Variants in CTNND2 observed in about 807,000 individuals in gnomAD.
CTNND2 encodes catenin delta-2.
CTNND2 carries 22 observed loss-of-function variants against 144.4 expected under a neutral mutation model. That is an observed-to-expected ratio of 0.15 (90% CI 0.11 to 0.22). The LOEUF (loss-of-function observed/expected upper bound fraction) is 0.22, where lower values mean the gene tolerates loss of function less well. Ranked by LOEUF, CTNND2 falls within the 10% of genes least tolerant of loss-of-function variation. The pLI is 1.00. For missense variants in CTNND2, 1,353 were observed against 1,618.8 expected (o/e 0.84, Z 2.82); for synonymous variants, 751 against 695.6 (o/e 1.08, Z -1.25).
At position 11,211,894 on chromosome 5, in the gene CTNND2, G is replaced by A. The variant is rs140687714; in HGVS notation, c.1762-12233C>T. Reference sequence around the variant, plus strand: ...CAAAAGAATTTATGATAGAAATGTCGAGAAAATTTTCTTACATATTTATTT... The same window carrying A: ...CAAAAGAATTTATGATAGAAATGTCAAGAAAATTTTCTTACATATTTATTT... On this transcript the variant is annotated intron_variant, in intron 10 of 21. Coordinates refer to ENST00000304623, the MANE Select transcript of CTNND2 (RefSeq NM_001332.4). 5.5e-3 allele frequency among the ~76,000 whole-genome samples: 837 copies of A among 151,938 alleles called. 5 individuals are homozygous for A. Among genetic ancestry groups the A allele is most frequent in the African/African-American group, 0.016 (649 of 41,446 alleles).
chr5:11,576,932 G>T (rs1778017623), intron 2 of CTNND2, among the ~76,000 whole-genome samples: 1 of 152,038 alleles, frequency 6.6e-6, no homozygotes, highest in African/African-American at 2.4e-5. Context: ...ATCAAAATTT[G>T]CCCCCAACAA....
intron 1 of CTNND2, among the ~76,000 whole-genome samples, chr5:11,857,970 T>C (rs983727765): frequency 3.9e-5 from 6 of 152,300 alleles, no homozygotes; most frequent in African/African-American, 1.4e-4. Flanking sequence ...AAACTGTGGG[T>C]TCCTTAGGGG....
chr5:11,498,882 A>G (rs31865), intron 3 of CTNND2, among the ~76,000 whole-genome samples: 58,764 of 151,956 alleles, frequency 0.39, 11,847 homozygotes, highest in South Asian at 0.47. Context: ...CGGTCACTGT[A>G]TAAGTGGCTC....
rs142648505 is a variant in CTNND2 at position 11,373,373 on chromosome 5, T to C, written c.1178-8483A>G. On this transcript the variant is annotated intron_variant, in intron 7 of 21. Transcript: ENST00000304623. Reference sequence around the variant, plus strand: ...ACTACAGGGGACCCACCACCATGTCTGGGTCAGGGTGGATATTTTAGACAT... The same window carrying C: ...ACTACAGGGGACCCACCACCATGTCCGGGTCAGGGTGGATATTTTAGACAT... Among the ~76,000 whole-genome samples, 104 of 152,276 alleles carry C rather than the reference T, an allele frequency of 6.8e-4. 2 individuals are homozygous for C. The East Asian group carries it at 0.012, about 18-fold the overall frequency.
At chr5:11,099,809 C>A (rs1751703420) in intron 14 of CTNND2, among the ~76,000 whole-genome samples, 1 of 152,004 alleles carries the variant, frequency 6.6e-6, no homozygotes, top group African/African-American at 2.4e-5. Flanking sequence ...GAAAAAAATA[C>A]ACATATTCAG....
intron 2 of CTNND2, among the ~76,000 whole-genome samples, chr5:11,663,751 T>G (rs929768512): frequency 1.3e-5 from 2 of 152,170 alleles, no homozygotes; most frequent in African/African-American, 4.8e-5. Context: ...AATACAGTCA[T>G]AATTTGACCT....
intron 1 of CTNND2, among the ~76,000 whole-genome samples, chr5:11,901,677 A>G (rs1190448810): frequency 1.3e-5 from 2 of 152,184 alleles, no homozygotes; most frequent in African/African-American, 2.4e-5. Context: ...TAGGGCAACA[A>G]CCTCACGTAC....
intron 7 of CTNND2, among the ~76,000 whole-genome samples, chr5:11,365,194 C>A (rs1401547657): frequency 6.6e-6 from 1 of 152,194 alleles, no homozygotes; most frequent in African/African-American, 2.4e-5. Context: ...CTAGGTTCTT[C>A]ACTAAAGGAA....
intron 21 of CTNND2, among the ~76,000 whole-genome samples, chr5:10,979,299 A>T (rs559480779): frequency 5.9e-5 from 9 of 152,372 alleles, no homozygotes; most frequent in South Asian, 4.1e-4. Flanking sequence ...GCAGGTTGGC[A>T]AGTGAATAGT....
At chr5:11,467,944 G>T (rs1219428713) in intron 3 of CTNND2, among the ~76,000 whole-genome samples, 2 of 152,192 alleles carry the variant, frequency 1.3e-5, no homozygotes, top group Non-Finnish European at 2.9e-5. Flanking sequence ...TAAAAAATAT[G>T]CATTAGCTTT....
chr5:11,259,936 A>C (rs1744688891), intron 9 of CTNND2, among the ~76,000 whole-genome samples: 1 of 152,230 alleles, frequency 6.6e-6, no homozygotes, highest in South Asian at 2.1e-4. Context: ...TAAAGGGATA[A>C]ACACGTTTTA....
Position 11,790,471 on chromosome 5 carries a change from T to C in CTNND2, c.38-58199A>G, listed in dbSNP as rs1791072866. Among the ~76,000 whole-genome samples, 3 of 152,308 alleles carry C rather than the reference T, an allele frequency of 2.0e-5. No individual in the cohort carries two copies. In the South Asian group the frequency reaches 6.2e-4, roughly 32 times the overall value. ...TGTGTCAGTTTAAACCTATGCTCTC[T>C]TCCTTTGTAAAATGAACATAATTCC... is the stretch of plus-strand genomic sequence containing the variant. On this transcript the variant is annotated intron_variant, in intron 1 of 21. Transcript: ENST00000304623.
chr5:11,471,134 T>A (rs1767192356), intron 3 of CTNND2, among the ~76,000 whole-genome samples: 1 of 151,068 alleles, frequency 6.6e-6, no homozygotes, highest in African/African-American at 2.4e-5. Context: ...CCCACCAACA[T>A]GCCCAGCTAA....
chr5:11,812,227 G>A lies in CTNND2; in HGVS notation c.38-79955C>T, dbSNP rs946734356. ...AAAGCAGAGACAGTGAATAGCAATCGCTGGGAGAGGTACTGCTTTTTCTTG... is the reference window on the plus strand; with the variant it reads ...AAAGCAGAGACAGTGAATAGCAATCACTGGGAGAGGTACTGCTTTTTCTTG... On this transcript the variant is annotated intron_variant, in intron 1 of 21. Coordinates refer to ENST00000304623, the MANE Select transcript of CTNND2 (RefSeq NM_001332.4). 2.5e-4 allele frequency among the ~76,000 whole-genome samples: 38 copies of A among 152,182 alleles called. 1 individual carries two copies. Among genetic ancestry groups the A allele is most frequent in the African/African-American group, 7.7e-4 (32 of 41,442 alleles).
chr5:11,812,064 T>C (rs1159583373), intron 1 of CTNND2, among the ~76,000 whole-genome samples: 1 of 152,224 alleles, frequency 6.6e-6, no homozygotes, highest in Non-Finnish European at 1.5e-5. Flanking sequence ...TTCTACCAAA[T>C]GGAAGCACTA....
chr5:11,555,812 C>T (rs910571453), intron 3 of CTNND2, among the ~76,000 whole-genome samples: 2 of 152,060 alleles, frequency 1.3e-5, no homozygotes, highest in Admixed American at 1.3e-4. Context: ...AGGGAAGGTT[C>T]TGCTCTGGAA....
At position 11,672,362 on chromosome 5, in the gene CTNND2, TCTGCTAAAGCTGTGC is replaced by T. The variant is rs960739458; in HGVS notation, c.174+59759_174+59773del. Among the ~76,000 whole-genome samples, 5 of 152,336 alleles carry T rather than the reference TCTGCTAAAGCTGTGC, an allele frequency of 3.3e-5. No homozygotes were observed. In the East Asian group the frequency reaches 9.7e-4, roughly 29 times the overall value. ...GAGCTGTCAGGCAGGGACATTTAAG[TCTGCTAAAGCTGTGC>T]CTGTAGCCACCCCTTCCCCCAGGTG... is the stretch of plus-strand genomic sequence containing the variant. On this transcript the variant is annotated intron_variant, in intron 2 of 21. Transcript: ENST00000304623.
chr5:11,518,672 C>T (rs1291148733), intron 3 of CTNND2, among the ~76,000 whole-genome samples: 1 of 151,904 alleles, frequency 6.6e-6, no homozygotes, highest in African/African-American at 2.4e-5. Flanking sequence ...TTTACTATAC[C>T]TTTACTATGT....
At chr5:11,615,623 C>T (rs1016095148) in intron 2 of CTNND2, among the ~76,000 whole-genome samples, 1 of 152,064 alleles carries the variant, frequency 6.6e-6, no homozygotes, top group Non-Finnish European at 1.5e-5. Context: ...GAGAAGTTAA[C>T]AAATAATCAA....
Sources: allele counts gnomAD v4.1 joint callset (sites outside exome capture counted in the v4.1 genomes callset), GRCh38; gene constraint gnomAD v4.1.1; transcripts MANE v1.5; gene names NCBI Gene and HGNC (gene_info 2026-07-23, HGNC 2026-07-21).